Variants in ACACB observed in about 807,000 individuals in gnomAD.
The protein encoded by ACACB is acetyl-CoA carboxylase 2.
Under a neutral mutation model 278.8 loss-of-function variants are expected in ACACB, and 209 were observed. The ratio of observed to expected loss-of-function variants is 0.75; its 90% CI spans 0.67 to 0.84. The LOEUF (loss-of-function observed/expected upper bound fraction) is 0.84. Among genes scored for constraint, ACACB ranks in the 40% least tolerant of loss-of-function variants. The probability of loss-of-function intolerance (pLI) is 0.00; values close to 1 mark genes in which losing one functional copy is unlikely to be tolerated. For synonymous variants in ACACB, 1,174 were observed against 1,285.6 expected (o/e 0.91, Z 1.86); for missense variants, 2,850 against 3,269.0 (o/e 0.87, Z 3.13).
intron 37 of ACACB, among the ~76,000 whole-genome samples, chr12:109,243,322 G>A (rs1317501446): frequency 6.6e-6 from 1 of 152,140 alleles, no homozygotes; most frequent in East Asian, 1.9e-4. Context: ...TTTTGGGTTG[G>A]GCACAGTGGC....
intron 2 of ACACB, among the ~76,000 whole-genome samples, chr12:109,161,902 T>C (rs1388908886): frequency 2.6e-5 from 4 of 152,082 alleles, no homozygotes; most frequent in African/African-American, 9.7e-5. Flanking sequence ...AGCATTTTTT[T>C]CCCCCAGATC....
intron 7 of ACACB, among the ~76,000 whole-genome samples, chr12:109,174,702 A>G (rs1251414369): frequency 2.6e-5 from 3 of 116,596 alleles, no homozygotes; most frequent in Non-Finnish European, 6.5e-5. Flanking sequence ...ATCTCCAGAA[A>G]AAGTAAAAAA....
intron 1 of ACACB, among the ~76,000 whole-genome samples, chr12:109,129,953 C>G (rs1489447969): frequency 6.6e-6 from 1 of 152,202 alleles, no homozygotes. Flanking sequence ...GGGGAAGGCT[C>G]TATTTGGTGT....
rs773222802 is a variant in ACACB at position 109,210,058 on chromosome 12, CGT to C, written c.3249+710_3249+711del. Among the ~76,000 whole-genome samples, 29 of 81,752 alleles carry C rather than the reference CGT, an allele frequency of 3.5e-4. 4 individuals are homozygous for C. The highest frequency in any genetic ancestry group is 8.2e-4 in the Admixed American group (7 of 8,552). 53.6% of individuals were successfully genotyped at this position (81,752 alleles called of 152,430 possible). On this transcript the variant is annotated intron_variant, in intron 21 of 52. Transcript: ENST00000338432. Reference sequence around the variant, plus strand: ...GTGTATATGTGTATATATACACACACGTGTGTATATATGTGTATATATGTATA... The same window carrying C: ...GTGTATATGTGTATATATACACACACGTGTATATATGTGTATATATGTATA...
intron 40 of ACACB, 117 bp from the exon 41 acceptor site, chr12:109,249,867 C>A: frequency 7.3e-7 from 1 of 1,370,788 alleles, no homozygotes; most frequent in African/African-American, 1.5e-5. Flanking sequence ...CCTCTGGATG[C>A]TTTGTCTGCT....
chr12:109,246,546 CTT>C (rs1307646566), intron 39 of ACACB, 98 bp downstream of exon 39: 17 of 1,436,172 alleles, frequency 1.2e-5, no homozygotes, highest in Non-Finnish European at 1.9e-6. Flanking sequence ...AAAAATCTCA[CTT>C]ATGTATAAAG....
intron 1 of ACACB, among the ~76,000 whole-genome samples, chr12:109,133,859 ATATATTT>A (rs1172225397): frequency 1.0e-4 from 5 of 48,246 alleles, no homozygotes; most frequent in African/African-American, 4.9e-4. Context: ...ATATATATAT[ATATATTT>A]TTTTTTTTTT....
At chr12:109,214,086 C>T (rs2045923676) in intron 22 of ACACB, among the ~76,000 whole-genome samples, 4 of 142,992 alleles carry the variant, frequency 2.8e-5, no homozygotes, top group Admixed American at 2.1e-4. Context: ...GAGACCCTGT[C>T]TCTACAAAAA....
chr12:109,196,955 G>A, intron 16 of ACACB, 53 bp from the exon 17 acceptor site: 1 of 1,492,126 alleles, frequency 6.7e-7, no homozygotes, highest in Non-Finnish European at 8.9e-7. Flanking sequence ...GCCCAGCAGT[G>A]CTCTGGGAGC....
At chr12:109,121,457 C>G (rs76700075) in intron 1 of ACACB, among the ~76,000 whole-genome samples, 178 of 152,242 alleles carry the variant, frequency 1.2e-3, no homozygotes, top group African/African-American at 3.9e-3. Flanking sequence ...TAGTGGGGGA[C>G]ACTGGTAGAT....
chr12:109,130,802 C>A (rs186411373), intron 1 of ACACB, among the ~76,000 whole-genome samples: 1 of 152,148 alleles, frequency 6.6e-6, no homozygotes, highest in Non-Finnish European at 1.5e-5. Flanking sequence ...CTGACCACCC[C>A]CTCTTTGTCC....
At chr12:109,223,686 T>C in intron 26 of ACACB, 129 bp from the exon 27 acceptor site, 1 of 825,570 alleles carries the variant, frequency 1.2e-6, no homozygotes, top group Non-Finnish European at 2.0e-6. Flanking sequence ...CGCTTCAGCC[T>C]GGGAGTTTGA....
intron 6 of ACACB, among the ~76,000 whole-genome samples, chr12:109,173,012 T>C (rs2044168203): frequency 6.6e-6 from 1 of 152,212 alleles, no homozygotes; most frequent in South Asian, 2.1e-4. Flanking sequence ...ATTATGTCTT[T>C]TGTGGGAACA....
At chr12:109,128,990 T>C (rs1189214632) in intron 1 of ACACB, among the ~76,000 whole-genome samples, 2 of 151,808 alleles carry the variant, frequency 1.3e-5, no homozygotes, top group African/African-American at 2.4e-5. Context: ...ATTTGTGGCC[T>C]GGACACAGGC....
At chr12:109,175,618 A>G (rs888225922) in intron 7 of ACACB, among the ~76,000 whole-genome samples, 2 of 152,000 alleles carry the variant, frequency 1.3e-5, no homozygotes, top group Non-Finnish European at 2.9e-5. Flanking sequence ...AGGTCTCACT[A>G]TGTTGCCAGG....
rs1348793127 is a variant in ACACB at position 109,139,694 on chromosome 12, C to A, written c.289C>A (p.Gln97Lys). 4.3e-6 allele frequency: 7 copies of A among 1,614,076 alleles called. No homozygotes were observed. Among genetic ancestry groups the A allele is most frequent in the Non-Finnish European group, 5.9e-6 (7 of 1,179,970 alleles). Residue 97 changes from glutamine (Q) to lysine (K), a missense_variant, in exon 2 of 53, where the codon CAG becomes AAG. By Grantham distance (53) the Gln-to-Lys change is moderately conservative. Around this residue, in one of 3 missense-constraint regions of ACACB, gnomAD observed 2,265 missense variants for 2,561.3 expected, o/e 0.88. Coordinates refer to ENST00000338432, the MANE Select transcript of ACACB (RefSeq NM_001093.4). ...GAGAAACTCCCTACCACCCTCCCAC[C>A]AGAAGCCCCCAAGAAACCCCCTTTC... is the stretch of plus-strand genomic sequence containing the variant. ...RRRNSLPPSH[Q>K]KPPRNPLSSS...
chr12:109,132,472 G>A (rs1254295167), intron 1 of ACACB, among the ~76,000 whole-genome samples: 1 of 152,170 alleles, frequency 6.6e-6, no homozygotes. Context: ...GTCCCATGGA[G>A]GTGTTTTAAG....
At chr12:109,146,027 A>AT (rs1270100935) in intron 2 of ACACB, among the ~76,000 whole-genome samples, 4 of 151,590 alleles carry the variant, frequency 2.6e-5, no homozygotes, top group African/African-American at 9.8e-5. Flanking sequence ...AATTATTATT[A>AT]TTTTTTCTTG....
chr12:109,188,211 TTCC>T (rs754312193), intron 13 of ACACB, 49 bp downstream of exon 13: 4 of 1,380,842 alleles, frequency 2.9e-6, no homozygotes, highest in Non-Finnish European at 4.0e-6. Context: ...CCTTCCTTCC[TTCC>T]TTCCTTCCTT....
Sources: gnomAD v4.1 joint callset for allele counts (sites outside exome capture counted in the v4.1 genomes callset) on GRCh38, gnomAD v4.1.1 for gene constraint, gnomAD v4.1.1 regional missense constraint, MANE v1.5 for transcripts, NCBI Gene and HGNC (gene_info 2026-07-23, HGNC 2026-07-21) for gene names.